MIA2: variants seen among roughly 807,000 people sequenced by gnomAD.
MIA2 encodes the protein MIA SH3 domain ER export factor 2.
In MIA2, 127 loss-of-function variants were observed where a neutral mutation model predicts 167.8. The ratio of observed to expected loss-of-function variants is 0.76; its 90% CI spans 0.66 to 0.88. The LOEUF (loss-of-function observed/expected upper bound fraction) is 0.88, where lower values mean the gene tolerates loss of function less well. Ranked by LOEUF, MIA2 falls within the 40% of genes least tolerant of loss-of-function variation. The probability of loss-of-function intolerance (pLI) is 0.00; values close to 1 mark genes in which losing one functional copy is unlikely to be tolerated. For missense variants in MIA2, 1,690 were observed against 1,624.7 expected (o/e 1.04, Z -0.69); for synonymous variants, 552 against 541.9 (o/e 1.02, Z -0.26).
chr14:39,342,423 TG>T (rs1328596337), intron 25 of MIA2, among the ~76,000 whole-genome samples: 2 of 152,226 alleles, frequency 1.3e-5, no homozygotes, highest in African/African-American at 4.8e-5. Context: ...GTTGGACATT[TG>T]GGTTGGTTCC....
intron 25 of MIA2, among the ~76,000 whole-genome samples, chr14:39,332,395 C>CT (rs1679794365): frequency 6.6e-6 from 1 of 152,086 alleles, no homozygotes; most frequent in South Asian, 2.1e-4. Context: ...GAATATGCTC[C>CT]TTTAGCTTGG....
downstream of MIA2, among the ~76,000 whole-genome samples, chr14:39,352,471 C>A (rs1335782662): frequency 6.6e-6 from 1 of 152,028 alleles, no homozygotes; most frequent in Non-Finnish European, 1.5e-5. Context: ...CTGAAAATCT[C>A]AATTCCCCTT....
At chr14:39,373,886 G>A (rs1052458335) in intron 23 of MIA2, among the ~76,000 whole-genome samples, 1 of 152,100 alleles carries the variant, frequency 6.6e-6, no homozygotes, top group African/African-American at 2.4e-5. Context: ...CTCTGGCCAG[G>A]TGCAGTGGTT....
At chr14:39,380,508 C>G in intron 23 of MIA2, among the ~76,000 whole-genome samples, 1 of 151,956 alleles carries the variant, frequency 6.6e-6, no homozygotes, top group Middle Eastern at 3.2e-3. Context: ...TCCTGGCCAA[C>G]ATGGTGAAAC....
At chr14:39,308,628 A>G (rs2063730215) in intron 18 of MIA2, 41 bp downstream of exon 18, 1 of 1,429,860 alleles carries the variant, frequency 7.0e-7, no homozygotes. Flanking sequence ...AGCAAGTAAA[A>G]TAGCTTTAGA....
At chr14:39,265,192 A>C in intron 6 of MIA2, 1 of 536,780 alleles carries the variant, frequency 1.9e-6, no homozygotes, top group Non-Finnish European at 3.3e-6. Context: ...ACAACGAGTG[A>C]GGTCCATGAA....
Position 39,270,200 on chromosome 14 carries a change from GTTTTTT to G in MIA2, c.1888-6720_1888-6715del, listed in dbSNP as rs35675093. ...GTGAGTGGTATTTCACTCTGTTGTG[GTTTTTT>G]TTTTTTTTTTTTTGAGACTGAGTCT... On this transcript the variant is annotated intron_variant, in intron 6 of 28. Transcript: ENST00000640607. Among the ~76,000 whole-genome samples the G allele has an allele frequency of 4.5e-5, 4 of 88,046 alleles. No homozygotes were observed. The East Asian group carries it at 1.4e-3, about 30-fold the overall frequency. 57.8% of individuals were successfully genotyped at this position (88,046 alleles called of 152,430 possible).
chr14:39,348,079 C>T (rs575854247), intron 27 of MIA2, among the ~76,000 whole-genome samples: 3 of 152,284 alleles, frequency 2.0e-5, no homozygotes, highest in African/African-American at 7.2e-5. Flanking sequence ...TCCCAAAGTG[C>T]TGGTATTACA....
rs754954959 is a variant in MIA2 at position 39,247,252 on chromosome 14, G to C, written c.678G>C (p.Trp226Cys). ...PSSAVSGVKEWFGLGGEQAEE... is the reference protein window; with the variant it reads ...PSSAVSGVKECFGLGGEQAEE... The stretch of plus-strand genomic sequence containing the variant: ...CAGCTGTGTCTGGAGTCAAAGAATG[G>C]TTTGGATTGGGAGGAGAACAAGCTG... The change falls in exon 4 of 29, where the codon TGG becomes TGC. Residue 226 changes from tryptophan (W) to cysteine (C), a missense_variant. By Grantham distance (215) the Trp-to-Cys change is radical. Transcript: ENST00000640607. 21 of 1,613,978 alleles carry C rather than the reference G, an allele frequency of 1.3e-5. No individual in the cohort carries two copies. The highest frequency in any genetic ancestry group is 2.7e-5 in the African/African-American group (2 of 74,914).
At chr14:39,325,348 T>C (rs1236003648) in intron 24 of MIA2, among the ~76,000 whole-genome samples, 5 of 151,854 alleles carry the variant, frequency 3.3e-5, no homozygotes, top group Non-Finnish European at 5.9e-5. Context: ...GGTATTAATA[T>C]ATTTTATTGA....
Position 39,252,855 on chromosome 14 carries a change from G to T in MIA2, c.1675G>T (p.Glu559Ter). The T allele has an allele frequency of 6.2e-7, 1 of 1,613,956 alleles. No homozygotes were observed. Among genetic ancestry groups the T allele is most frequent in the Admixed American group, 1.7e-5 (1 of 59,988 alleles). ...AAATTCGAAACCATCAGTAGACACC[G>T]AAGGGCCTGCTCTGGTGGAGATAGA... ...DENSKPSVDT[E>*]GPALVEIDRS... The change falls in exon 5 of 29, where the codon GAA becomes TAA. Residue 559 changes from glutamate to a stop codon, truncating the protein, a stop_gained. Transcript: ENST00000640607. LOFTEE classifies it high-confidence loss of function.
chr14:39,277,988 T>C (rs934888309), intron 7 of MIA2, among the ~76,000 whole-genome samples: 1 of 151,386 alleles, frequency 6.6e-6, no homozygotes, highest in African/African-American at 2.4e-5. Flanking sequence ...GGAAATTTTA[T>C]TTGAGACAGG....
intron 25 of MIA2, among the ~76,000 whole-genome samples, chr14:39,345,266 G>A (rs1195539600): frequency 6.6e-6 from 1 of 151,892 alleles, no homozygotes; most frequent in Non-Finnish European, 1.5e-5. Flanking sequence ...TAGAGACAGG[G>A]TTTCACCATG....
chr14:39,385,479 G>A, intron 23 of MIA2: 3 of 970,640 alleles, frequency 3.1e-6, no homozygotes, highest in Non-Finnish European at 3.4e-6. Context: ...AAAATACAGT[G>A]ATCTTGCTCT....
At chr14:39,309,040 T>G (rs2063788338) in intron 18 of MIA2, among the ~76,000 whole-genome samples, 1 of 152,228 alleles carries the variant, frequency 6.6e-6, no homozygotes, top group Non-Finnish European at 1.5e-5. Context: ...TGTTTTTGAC[T>G]TCTCTCTTGC....
intron 17 of MIA2, among the ~76,000 whole-genome samples, chr14:39,305,348 A>G (rs566964136): frequency 2.0e-5 from 3 of 152,354 alleles, no homozygotes; most frequent in Non-Finnish European, 2.9e-5. Context: ...CTGTATTTCA[A>G]AAAATGTGTG....
chr14:39,310,486 G>A (rs115775723), intron 18 of MIA2, among the ~76,000 whole-genome samples: 85 of 152,132 alleles, frequency 5.6e-4, no homozygotes, highest in African/African-American at 2.0e-3. Context: ...ATATATTAAA[G>A]AAAGTATCTT....
intron 18 of MIA2, 24 bp downstream of exon 18, chr14:39,308,611 A>G (rs1229801845): frequency 1.3e-6 from 2 of 1,499,160 alleles, no homozygotes; most frequent in South Asian, 1.3e-5. Context: ...TGTTAACTCC[A>G]TTGAACAGCA....
intron 6 of MIA2, chr14:39,268,892 C>T: frequency 1.8e-6 from 1 of 547,394 alleles, no homozygotes; most frequent in South Asian, 8.0e-5. Flanking sequence ...GTAACTTATT[C>T]ATGGAGGTAG....
Sources: gnomAD v4.1 joint callset for allele counts (sites outside exome capture counted in the v4.1 genomes callset) on GRCh38, gnomAD v4.1.1 for gene constraint, MANE v1.5 for transcripts, NCBI Gene and HGNC (gene_info 2026-07-23, HGNC 2026-07-21) for gene names.